The following PTGES3 variants were observed in gnomAD, a reference collection of about 807,000 sequenced individuals.
PTGES3 encodes prostaglandin E synthase 3, also known as Hsp90 co-chaperone.
In PTGES3, 5 loss-of-function variants were observed where a neutral mutation model predicts 29.9. That is an observed-to-expected ratio of 0.17 (90% CI 0.09 to 0.35). The LOEUF is 0.35. Among genes scored for constraint, PTGES3 ranks in the 10% least tolerant of loss-of-function variants. The pLI, the probability that PTGES3 is intolerant of heterozygous loss-of-function variation, is 1.00. For synonymous variants in PTGES3, 49 were observed against 57.8 expected (o/e 0.85, Z 0.69); for missense variants, 128 against 190.0 (o/e 0.67, Z 1.92).
At chr12:56,668,773 A>T (rs182927357) in intron 5 of PTGES3, among the ~76,000 whole-genome samples, 101 of 152,334 alleles carry the variant, frequency 6.6e-4, no homozygotes, top group Admixed American at 2.8e-3. Context: ...CTAGTTAATG[A>T]AAAATTTCAA....
intron 5 of PTGES3, among the ~76,000 whole-genome samples, chr12:56,669,512 A>AC (rs1384974917): frequency 1.3e-5 from 2 of 151,976 alleles, no homozygotes; most frequent in African/African-American, 4.8e-5. Context: ...TGAACTCCTG[A>AC]CCTCAGGTGA....
intron 1 of PTGES3, among the ~76,000 whole-genome samples, chr12:56,682,703 T>C (rs7297289): frequency 0.7 from 99,234 of 142,112 alleles, 34,643 homozygotes; most frequent in South Asian, 0.79. Flanking sequence ...CACGGTAAGA[T>C]CCCGTCTCCA....
chr12:56,674,650 C>A (rs1952142364), intron 1 of PTGES3, among the ~76,000 whole-genome samples: 1 of 151,496 alleles, frequency 6.6e-6, no homozygotes, highest in Admixed American at 6.6e-5. Flanking sequence ...CACGATGAAA[C>A]CCTGTCTCTA....
At chr12:56,664,641 A>G (rs1951723107) in intron 7 of PTGES3, 135 bp downstream of exon 7, 1 of 1,378,554 alleles carries the variant, frequency 7.3e-7, no homozygotes, top group South Asian at 1.3e-5. Flanking sequence ...AGTTATTCAC[A>G]TTTCTGCTTT....
At chr12:56,686,550 G>C (rs1952865983) in intron 1 of PTGES3, among the ~76,000 whole-genome samples, 2 of 151,646 alleles carry the variant, frequency 1.3e-5, no homozygotes, top group African/African-American at 4.8e-5. Flanking sequence ...AATTTTTTTT[G>C]TATTTTTGCA....
intron 7 of PTGES3, 119 bp from the exon 8 acceptor site, chr12:56,664,617 T>C (rs2137570358): frequency 1.5e-6 from 2 of 1,375,726 alleles, no homozygotes; most frequent in Non-Finnish European, 2.0e-6. Flanking sequence ...AATTAATAGG[T>C]TGTCTTGCTA....
chr12:56,683,746 T>C (rs573636798), intron 1 of PTGES3, among the ~76,000 whole-genome samples: 1 of 150,556 alleles, frequency 6.6e-6, no homozygotes, highest in South Asian at 2.1e-4. Flanking sequence ...GATCACGAGA[T>C]CAGGAGATCG....
chr12:56,678,631 T>C (rs575746454), intron 1 of PTGES3, among the ~76,000 whole-genome samples: 5 of 152,304 alleles, frequency 3.3e-5, no homozygotes, highest in African/African-American at 1.2e-4. Context: ...GTTTTATAAA[T>C]TAGAGTTATA....
chr12:56,688,237 G>A lies in PTGES3; in HGVS notation c.-238C>T, dbSNP rs932287487. The A allele has an allele frequency of 7.6e-6, 5 of 659,440 alleles. No individual in the cohort carries two copies. The South Asian group carries it at 1.2e-4, about 16-fold the overall frequency. 40.8% of individuals were successfully genotyped at this position (659,440 alleles called of 1,614,324 possible). On this transcript the variant is annotated 5_prime_UTR_variant, in exon 1 of 8. Transcript: ENST00000262033. ...AAGAGGAAAGTGTAGGAAAAGGGGC[G>A]CGAGGACGGAGAATGAACGTGCGTG...
At chr12:56,677,196 G>A (rs371209164) in intron 1 of PTGES3, among the ~76,000 whole-genome samples, 1 of 149,902 alleles carries the variant, frequency 6.7e-6, no homozygotes, top group Non-Finnish European at 1.5e-5. Context: ...GCCAGATAGC[G>A]CCACTGCACT....
chr12:56,667,270 A>T (rs1951826046), intron 5 of PTGES3, among the ~76,000 whole-genome samples: 1 of 152,220 alleles, frequency 6.6e-6, no homozygotes. Context: ...GAAATGATTT[A>T]AACTTAAACT....
At chr12:56,676,283 A>G (rs193172222) in intron 1 of PTGES3, among the ~76,000 whole-genome samples, 6 of 151,600 alleles carry the variant, frequency 4.0e-5, no homozygotes, top group East Asian at 3.9e-4. Context: ...TTTCTGACAG[A>G]AGGCTTATTT....
intron 1 of PTGES3, among the ~76,000 whole-genome samples, chr12:56,685,688 C>A (rs1227923471): frequency 6.6e-6 from 1 of 151,548 alleles, no homozygotes; most frequent in African/African-American, 2.4e-5. Context: ...GAGTGAGCCA[C>A]CCCGCCCGGC....
chr12:56,678,321 G>A (rs1430342112), intron 1 of PTGES3, among the ~76,000 whole-genome samples: 1 of 151,988 alleles, frequency 6.6e-6, no homozygotes, highest in Admixed American at 6.6e-5. Context: ...GGGATTACAG[G>A]CGCCCGCCAC....
rs368136914 is a variant in PTGES3, at chr12:56,677,777, T to C, written c.3-4712A>G. ...GAGGGGTTTGCAGTACAATCTCATA[T>C]TGAAACTGAACAACCTGAAACTAAT... is the stretch of plus-strand genomic sequence containing the variant. On this transcript the variant is annotated intron_variant, in intron 1 of 7. Transcript: ENST00000262033. 1.4e-4 allele frequency among the ~76,000 whole-genome samples: 21 copies of C among 152,262 alleles called. No individual in the cohort carries two copies. In the East Asian group the frequency reaches 1.5e-3, roughly 11 times the overall value.
chr12:56,673,251 A>C (rs1269011481), intron 1 of PTGES3, among the ~76,000 whole-genome samples, 186 bp from the exon 2 acceptor site: 1 of 152,188 alleles, frequency 6.6e-6, no homozygotes, highest in Non-Finnish European at 1.5e-5. Flanking sequence ...ATTTAGTTTC[A>C]GAATGATTCC....
chr12:56,664,857 C>G, intron 6 of PTGES3, 57 bp from the exon 7 acceptor site: 1 of 1,579,620 alleles, frequency 6.3e-7, no homozygotes, highest in South Asian at 1.2e-5. Context: ...GCTAACTGAA[C>G]AGTTTACCTA....
chr12:56,679,315 G>C (rs926593562), intron 1 of PTGES3, among the ~76,000 whole-genome samples: 1 of 147,500 alleles, frequency 6.8e-6, no homozygotes, highest in East Asian at 2.0e-4. Flanking sequence ...GCTGAGACAT[G>C]AGAATCGGTT....
chr12:56,688,087 G>A lies in PTGES3; in HGVS notation c.-88C>T. 2 of 1,442,294 alleles carry A rather than the reference G, an allele frequency of 1.4e-6. No individual in the cohort carries two copies. The highest frequency in any genetic ancestry group is 1.8e-6 in the Non-Finnish European group (2 of 1,097,616). 89.3% of individuals were successfully genotyped at this position (1,442,294 alleles called of 1,614,324 possible). A position where few individuals can be genotyped will look rare whatever the true frequency, so the allele number is the denominator to read the frequency against. ...AGGGAGTCGACTTCTCTCCGGTGGCGACTCCGCTTTTTCTCTCCGGTCGCG... is the reference window on the plus strand; with the variant it reads ...AGGGAGTCGACTTCTCTCCGGTGGCAACTCCGCTTTTTCTCTCCGGTCGCG... On this transcript the variant is annotated 5_prime_UTR_variant, in exon 1 of 8. Transcript: ENST00000262033.
Sources: gnomAD v4.1 joint callset for allele counts (sites outside exome capture counted in the v4.1 genomes callset) on GRCh38, gnomAD v4.1.1 for gene constraint, MANE v1.5 for transcripts, NCBI Gene and HGNC (gene_info 2026-07-23, HGNC 2026-07-21) for gene names.